GIGYF2: variants seen among roughly 807,000 people sequenced by gnomAD.
GIGYF2 encodes GRB10 interacting GYF protein 2, also known as GRB10-interacting GYF protein 2.
Under a neutral mutation model 208.1 loss-of-function variants are expected in GIGYF2, and 25 were observed. That is an observed-to-expected ratio of 0.12 (90% CI 0.09 to 0.17). The LOEUF (loss-of-function observed/expected upper bound fraction) is 0.17. GIGYF2 is among the 10% of genes least tolerant of loss of function. The probability of loss-of-function intolerance (pLI) is 1.00; values close to 1 mark genes in which losing one functional copy is unlikely to be tolerated. For synonymous variants in GIGYF2, 534 were observed against 543.8 expected (o/e 0.98, Z 0.25); for missense variants, 1,302 against 1,579.4 (o/e 0.82, Z 2.98).
chr2:232,717,551 G>A (rs1696745287), intron 2 of GIGYF2, among the ~76,000 whole-genome samples: 1 of 152,014 alleles, frequency 6.6e-6, no homozygotes, highest in Non-Finnish European at 1.5e-5. Context: ...TTATCTATTT[G>A]TCTTAGTCTG....
intron 8 of GIGYF2, among the ~76,000 whole-genome samples, chr2:232,779,228 A>C (rs2106351173): frequency 6.6e-6 from 1 of 152,296 alleles, no homozygotes; most frequent in East Asian, 1.9e-4. Context: ...TTCTTCGGTG[A>C]ATGAACATAA....
intron 20 of GIGYF2, 33 bp from the exon 21 acceptor site, chr2:232,819,788 TCCCTCC>T: frequency 2.7e-6 from 1 of 365,666 alleles, no homozygotes; most frequent in Non-Finnish European, 5.3e-6. Flanking sequence ...TAGACCTGAG[TCCCTCC>T]CCCACCCCCC....
At chr2:232,856,650 C>T (rs958933794) in intron 28 of GIGYF2, 143 bp from the exon 29 acceptor site, 62 of 734,474 alleles carry the variant, frequency 8.4e-5, no homozygotes, top group Non-Finnish European at 1.5e-4. Context: ...CGAGATCACG[C>T]CACTGCACTC....
intron 8 of GIGYF2, among the ~76,000 whole-genome samples, chr2:232,777,818 A>G (rs1378339492): frequency 6.6e-6 from 1 of 152,174 alleles, no homozygotes; most frequent in Non-Finnish European, 1.5e-5. Flanking sequence ...ATTCCCAGCT[A>G]ACAAATTGCA....
rs576521993 is a variant in GIGYF2, at chr2:232,704,953, G to A, written c.-44+1464G>A. 1.3e-3 allele frequency among the ~76,000 whole-genome samples: 174 copies of A among 139,170 alleles called. 1 individual carries two copies. The highest frequency in any genetic ancestry group is 4.4e-3 in the African/African-American group (162 of 36,958). The allele number at this position is 139,170 out of a possible 152,430, so 91.3% of individuals were successfully genotyped here. On this transcript the variant is annotated intron_variant, in intron 2 of 28. Coordinates refer to ENST00000373563, the MANE Select transcript of GIGYF2 (RefSeq NM_001103146.3). ...CTGCTCACTGCAAGCTCCGCCTCCC[G>A]GGTTCACGCAATTCTCCTGCCTCAG...
chr2:232,747,859 C>T (rs1431656789), intron 4 of GIGYF2, 115 bp downstream of exon 4: 1 of 961,676 alleles, frequency 1.0e-6, no homozygotes, highest in African/African-American at 1.6e-5. Context: ...CATGCCTTTC[C>T]ACCTTAACTG....
chr2:232,757,767 G>T, intron 6 of GIGYF2, among the ~76,000 whole-genome samples: 1 of 132,894 alleles, frequency 7.5e-6, no homozygotes, highest in Non-Finnish European at 1.6e-5. Flanking sequence ...TCTCTGAACA[G>T]CACCCCCCGC....
intron 14 of GIGYF2, among the ~76,000 whole-genome samples, chr2:232,799,091 T>C (rs1700311521): frequency 6.6e-6 from 1 of 152,126 alleles, no homozygotes; most frequent in Non-Finnish European, 1.5e-5. Flanking sequence ...TCACTTAGCA[T>C]AATGTCCTCA....
Position 232,819,833 on chromosome 2 carries a change from G to A in GIGYF2, c.2377G>A (p.Ala793Thr). 1 of 1,484,394 alleles carries A rather than the reference G, an allele frequency of 6.7e-7. No homozygotes were observed. The highest frequency in any genetic ancestry group is 9.2e-7 in the Non-Finnish European group (1 of 1,088,760). The allele number at this position is 1,484,394 out of a possible 1,614,324, so 92.0% of individuals were successfully genotyped here. A position where few individuals can be genotyped will look rare whatever the true frequency, so the allele number is the denominator to read the frequency against. The change falls in exon 21 of 29, where the codon GCT becomes ACT. Residue 793 changes from alanine to threonine, a missense_variant. By Grantham distance (58) the Ala-to-Thr change is moderately conservative. Transcript: ENST00000373563. ...CTCCATCTTTTTTCCTTAGGAAGAG[G>A]CTCTGCGTCGCCAGCGGGAGCAAGA... is the stretch of plus-strand genomic sequence containing the variant. ...EELARRKQEE[A>T]LRRQREQEIA... is the part of the protein sequence containing the mutation.
At chr2:232,847,664 A>G (rs1481142808) in intron 27 of GIGYF2, 93 bp downstream of exon 27, 3 of 1,508,946 alleles carry the variant, frequency 2.0e-6, no homozygotes, top group Admixed American at 1.7e-5. Context: ...CAAAGGTACC[A>G]TTTTTGTATA....
chr2:232,815,856 C>T, intron 19 of GIGYF2, 119 bp downstream of exon 19: 1 of 700,604 alleles, frequency 1.4e-6, no homozygotes, highest in Non-Finnish European at 2.6e-6. Flanking sequence ...TGCTGCTTAG[C>T]TGGTATAAGT....
chr2:232,804,101 T>A (rs1156819600), intron 14 of GIGYF2, among the ~76,000 whole-genome samples: 4 of 152,148 alleles, frequency 2.6e-5, no homozygotes, highest in Admixed American at 6.5e-5. Context: ...AATCTTCTTT[T>A]AAAAAAATTT....
At chr2:232,787,662 T>C (rs1383897308) in intron 9 of GIGYF2, among the ~76,000 whole-genome samples, 1 of 152,238 alleles carries the variant, frequency 6.6e-6, no homozygotes, top group East Asian at 1.9e-4. Context: ...GATTTATAAA[T>C]GTGTAAAAAT....
At chr2:232,719,274 G>A (rs1470980930) in intron 2 of GIGYF2, 1 of 152,202 alleles carries the variant, frequency 6.6e-6, no homozygotes, top group African/African-American at 2.4e-5. Context: ...CGGGAACACT[G>A]TCAAAGTTAA....
chr2:232,793,731 T>C (rs1294336259), intron 12 of GIGYF2, among the ~76,000 whole-genome samples: 1 of 152,116 alleles, frequency 6.6e-6, no homozygotes, highest in Non-Finnish European at 1.5e-5. Flanking sequence ...ATTCCCATTT[T>C]TAAAGGGTAG....
rs1305145801 is a variant in GIGYF2 at position 232,811,279 on chromosome 2, A to C, written c.1934A>C (p.Lys645Thr). 1 of 1,612,694 alleles carries C rather than the reference A, an allele frequency of 6.2e-7. No individual in the cohort carries two copies. Among genetic ancestry groups the C allele is most frequent in the Non-Finnish European group, 8.5e-7 (1 of 1,178,726 alleles). ...QYAQVLAQQQ[K>T]AALSSQQQQQ... The stretch of plus-strand genomic sequence containing the variant: ...GCACAGGTTTTGGCCCAACAGCAGA[A>C]AGCAGCACTGTCTTCCCAGCAGCAG... Residue 645 changes from lysine to threonine, a missense_variant, in exon 17 of 29, where the codon AAA (lysine) becomes ACA (threonine). Lys to Thr is a moderately conservative substitution (Grantham distance 78, BLOSUM62 -1). Coordinates refer to ENST00000373563, the MANE Select transcript of GIGYF2 (RefSeq NM_001103146.3).
intron 3 of GIGYF2, among the ~76,000 whole-genome samples, chr2:232,746,647 T>A (rs1293312156): frequency 6.6e-6 from 1 of 152,200 alleles, no homozygotes; most frequent in Non-Finnish European, 1.5e-5. Flanking sequence ...CCAAGTTCTG[T>A]TCTTTAGAGG....
At chr2:232,783,810 C>T (rs963791365) in intron 8 of GIGYF2, among the ~76,000 whole-genome samples, 8 of 152,022 alleles carry the variant, frequency 5.3e-5, no homozygotes, top group East Asian at 3.9e-4. Context: ...CTCAGCCTCC[C>T]GAGTAGCTGG....
intron 5 of GIGYF2, among the ~76,000 whole-genome samples, chr2:232,749,687 G>A (rs546841173): frequency 1.3e-5 from 2 of 152,294 alleles, no homozygotes; most frequent in African/African-American, 4.8e-5. Context: ...AATAAGCCTT[G>A]TTGGAAAGCT....
Sources: allele counts gnomAD v4.1 joint callset (sites outside exome capture counted in the v4.1 genomes callset), GRCh38; gene constraint gnomAD v4.1.1; transcripts MANE v1.5; gene names NCBI Gene and HGNC (gene_info 2026-07-23, HGNC 2026-07-21).